Variants in SFI1 observed in about 807,000 individuals in gnomAD.
SFI1 encodes the protein SFI1 centrin binding protein, also known as protein SFI1 homolog.
Under a neutral mutation model 207.5 loss-of-function variants are expected in SFI1, and 195 were observed. That is an observed-to-expected ratio of 0.94 (90% CI 0.84 to 1.06). The LOEUF is 1.06. SFI1 is among the 50% of genes least tolerant of loss of function. SFI1 has a pLI of 0.00. For synonymous variants in SFI1, 630 were observed against 598.9 expected (o/e 1.05, Z -0.76); for missense variants, 1,634 against 1,588.0 (o/e 1.03, Z -0.49).
intron 15 of SFI1, among the ~76,000 whole-genome samples, chr22:31,596,588 G>C (rs62237814): frequency 0.056 from 8,519 of 151,836 alleles, 226 homozygotes; most frequent in Non-Finnish European, 0.065. Context: ...GTCAGAAGTT[G>C]GAGACCAGTC....
At chr22:31,570,269 A>G (rs2062817796) in intron 8 of SFI1, among the ~76,000 whole-genome samples, 1 of 152,200 alleles carries the variant, frequency 6.6e-6, no homozygotes, top group Non-Finnish European at 1.5e-5. Flanking sequence ...AATGTCTTTA[A>G]AAGATGTAAC....
intron 15 of SFI1, among the ~76,000 whole-genome samples, chr22:31,598,619 C>CCG (rs1462427410): frequency 1.1e-4 from 15 of 140,004 alleles, no homozygotes; most frequent in African/African-American, 3.7e-4. Context: ...CGGGGTTTCA[C>CCG]TGTTAGCCAG....
At chr22:31,528,893 G>T in intron 3 of SFI1, 30 bp downstream of exon 3, 1 of 1,573,406 alleles carries the variant, frequency 6.4e-7, no homozygotes, top group East Asian at 2.3e-5. Context: ...CCAGTCTATG[G>T]GTACTTTGCT....
intron 6 of SFI1, among the ~76,000 whole-genome samples, chr22:31,554,830 T>C (rs2061007596): frequency 6.6e-6 from 1 of 152,120 alleles, no homozygotes; most frequent in African/African-American, 2.4e-5. Flanking sequence ...TCTTAAACAC[T>C]AACTATATTA....
intron 1 of SFI1, among the ~76,000 whole-genome samples, chr22:31,501,338 A>AT (rs1429883403): frequency 2.0e-5 from 3 of 151,254 alleles, no homozygotes; most frequent in Non-Finnish European, 4.4e-5. Flanking sequence ...CGCCCGGCTA[A>AT]TTTTTTGTAT....
intron 2 of SFI1, among the ~76,000 whole-genome samples, chr22:31,516,242 G>A (rs1384426189): frequency 1.3e-5 from 2 of 152,146 alleles, no homozygotes; most frequent in South Asian, 2.1e-4. Flanking sequence ...GCCGGGTGCC[G>A]TGGCTTACGT....
At position 31,603,810 on chromosome 22, in the gene SFI1, G is replaced by A. The variant is rs2068513846; in HGVS notation, c.1872G>A (p.Gln624=). The change falls in exon 18 of 33, where the codon CAG becomes CAA. Residue 624 remains glutamine, a synonymous_variant. Transcript: ENST00000400288. ...AGCTCCTGCGTTGGGCCTGGAGCCA[G>A]TGGAGGGAGGTAAGGCTTTGGTGCG... is the stretch of plus-strand genomic sequence containing the variant. ...MAQLLRWAWS[Q]WRECLALRGA... 1.3e-6 allele frequency: 2 copies of A among 1,570,874 alleles called. No individual in the cohort carries two copies. Among genetic ancestry groups the A allele is most frequent in the Non-Finnish European group, 1.7e-6 (2 of 1,167,354 alleles).
chr22:31,501,286 C>T (rs565529723), intron 1 of SFI1, among the ~76,000 whole-genome samples: 50 of 151,854 alleles, frequency 3.3e-4, no homozygotes, highest in Non-Finnish European at 6.3e-4. Flanking sequence ...ATTCTCCTCC[C>T]TCAGCCTCCC....
intron 8 of SFI1, among the ~76,000 whole-genome samples, chr22:31,567,271 T>C (rs2062415470): frequency 6.6e-6 from 1 of 152,214 alleles, no homozygotes; most frequent in Admixed American, 6.5e-5. Flanking sequence ...AATTGTCATA[T>C]TGAGTCATTT....
At chr22:31,614,180 G>A (rs1014534082) in intron 27 of SFI1, 5 of 382,608 alleles carry the variant, frequency 1.3e-5, no homozygotes, top group Non-Finnish European at 2.4e-5. Context: ...AGTTGACAAA[G>A]GGAACAAGCT....
rs144972540 is a variant in SFI1, at chr22:31,604,030, A to C, written c.1881+211A>C. 5.5e-4 allele frequency among the ~76,000 whole-genome samples: 83 copies of C among 152,290 alleles called. No homozygotes were observed. The East Asian group carries it at 0.015, about 28-fold the overall frequency. On this transcript the variant is annotated intron_variant, in intron 18 of 32. Transcript: ENST00000400288. ...CAGATCCTAGGCTGTTCTTATTTGA[A>C]CTTACTGCATCTAAAATTCCTGATC...
chr22:31,545,877 CTTTTTTTTTT>C (rs770151262), intron 4 of SFI1, among the ~76,000 whole-genome samples: 1 of 99,498 alleles, frequency 1.0e-5, no homozygotes, highest in East Asian at 2.9e-4. Context: ...CCGTGTCCAG[CTTTTTTTTTT>C]TTTTTTTTTT....
rs144032871 is a variant in SFI1, at chr22:31,577,051, G to A, written c.1085-1331G>A. 1.6e-4 allele frequency among the ~76,000 whole-genome samples: 25 copies of A among 152,266 alleles called. No individual in the cohort carries two copies. In the East Asian group the frequency reaches 4.6e-3, roughly 28 times the overall value. On this transcript the variant is annotated intron_variant, in intron 10 of 32. Coordinates refer to ENST00000400288, the MANE Select transcript of SFI1 (RefSeq NM_001007467.3). ...TATTTGTTCATCAAAGTCTTGCTTTGTATAAACTCCTGCTTAAATTCTGGG... is the reference window on the plus strand; with the variant it reads ...TATTTGTTCATCAAAGTCTTGCTTTATATAAACTCCTGCTTAAATTCTGGG...
intron 1 of SFI1, among the ~76,000 whole-genome samples, chr22:31,498,457 C>T (rs894103737): frequency 1.3e-5 from 2 of 151,874 alleles, no homozygotes; most frequent in African/African-American, 4.8e-5. Context: ...TCAATTCCAG[C>T]CTGGCCAACT....
intron 12 of SFI1, among the ~76,000 whole-genome samples, chr22:31,581,618 T>C (rs1208010079): frequency 1.3e-5 from 2 of 152,168 alleles, no homozygotes; most frequent in Non-Finnish European, 2.9e-5. Flanking sequence ...GTTGTGTTTC[T>C]ATTGTAAGTC....
rs1438941271 is a variant in SFI1, at chr22:31,613,742, C to G, written c.2883C>G (p.Asn961Lys). 3.1e-6 allele frequency: 5 copies of G among 1,613,268 alleles called. No individual in the cohort carries two copies. The highest frequency in any genetic ancestry group is 4.2e-6 in the Non-Finnish European group (5 of 1,179,930). ...TGACGTTTGAGGGTCCCCTTCTCAA[C>G]CGCATTGCTGCTGGGGCTGGGGATG... ...RKVTFEGPLL[N>K]RIAAGAGDGT... is the part of the protein sequence containing the mutation. Residue 961 changes from asparagine to lysine, a missense_variant, in exon 27 of 33, where the codon AAC (asparagine) becomes AAG (lysine). Coordinates refer to ENST00000400288, the MANE Select transcript of SFI1 (RefSeq NM_001007467.3).
At chr22:31,616,513 G>A (rs865865806) in intron 29 of SFI1, 14 of 445,458 alleles carry the variant, frequency 3.1e-5, no homozygotes, top group East Asian at 7.1e-5. Context: ...GTGGTGACAC[G>A]GGGTGCTCCC....
intron 15 of SFI1, among the ~76,000 whole-genome samples, chr22:31,598,479 G>A (rs2067502454): frequency 1.3e-5 from 2 of 151,700 alleles, no homozygotes; most frequent in Non-Finnish European, 2.9e-5. Context: ...GAGTGCAGTG[G>A]CGCTGTCTCA....
chr22:31,600,219 A>C (rs2067886031), intron 15 of SFI1, among the ~76,000 whole-genome samples: 1 of 151,876 alleles, frequency 6.6e-6, no homozygotes, highest in Non-Finnish European at 1.5e-5. Flanking sequence ...TTAAATAATC[A>C]GTACTCTTTT....
Sources: allele counts gnomAD v4.1 joint callset (sites outside exome capture counted in the v4.1 genomes callset), GRCh38; gene constraint gnomAD v4.1.1; transcripts MANE v1.5; gene names NCBI Gene and HGNC (gene_info 2026-07-23, HGNC 2026-07-21).